Variants in GALNT17 observed in about 807,000 individuals in gnomAD.
The protein encoded by GALNT17 is UDP-GalNAc:polypeptide N-acetylgalactosaminyltransferase-like 3.
A neutral mutation model predicts 63.7 loss-of-function variants in GALNT17; 29 were observed. That is an observed-to-expected ratio of 0.46 (90% CI 0.34 to 0.62). The LOEUF is 0.62. Ranked by LOEUF, GALNT17 falls within the 20% of genes least tolerant of loss-of-function variation. GALNT17 has a pLI of 0.01. For synonymous variants in GALNT17, 305 were observed against 318.3 expected (o/e 0.96, Z 0.45); for missense variants, 603 against 799.6 (o/e 0.75, Z 2.97).
chr7:71,214,708 G>A (rs1174789632), intron 1 of GALNT17, among the ~76,000 whole-genome samples: 1 of 151,866 alleles, frequency 6.6e-6, no homozygotes, highest in Non-Finnish European at 1.5e-5. Flanking sequence ...CTCCTGAGTA[G>A]CTTGGATTAC....
intron 1 of GALNT17, among the ~76,000 whole-genome samples, chr7:71,278,892 C>T (rs1187897637): frequency 6.6e-6 from 1 of 151,692 alleles, no homozygotes; most frequent in Non-Finnish European, 1.5e-5. Context: ...CTTCTTCCCT[C>T]TGTGTATCTC....
At position 71,362,784 on chromosome 7, in the gene GALNT17, G is replaced by A. The variant is rs139071032; in HGVS notation, c.423-25451G>A. On this transcript the variant is annotated intron_variant, in intron 2 of 10. Coordinates refer to ENST00000333538, the MANE Select transcript of GALNT17 (RefSeq NM_022479.3). ...CCGCTGAAAGCCTTCCCCGTGAGTC[G>A]TGAAGGAAACATGGCTGATTTGCTA... Among the ~76,000 whole-genome samples the A allele has an allele frequency of 1.2e-4, 18 of 152,240 alleles. No homozygotes were observed. The South Asian group carries it at 1.7e-3, about 14-fold the overall frequency.
At chr7:71,579,602 G>T (rs1789600525) in intron 6 of GALNT17, among the ~76,000 whole-genome samples, 1 of 152,212 alleles carries the variant, frequency 6.6e-6, no homozygotes, top group South Asian at 2.1e-4. Flanking sequence ...AAAGAAGGAG[G>T]TGTGCAAGGA....
At chr7:71,533,104 T>G (rs1278125220) in intron 5 of GALNT17, among the ~76,000 whole-genome samples, 1 of 152,228 alleles carries the variant, frequency 6.6e-6, no homozygotes, top group African/African-American at 2.4e-5. Flanking sequence ...CTTCACCACA[T>G]GGCTTAAAAG....
intron 1 of GALNT17, among the ~76,000 whole-genome samples, chr7:71,252,830 C>T (rs963378402): frequency 3.3e-5 from 5 of 152,292 alleles, no homozygotes; most frequent in East Asian, 3.9e-4. Flanking sequence ...ACCTCCCTCA[C>T]GATTTATTCA....
At chr7:71,240,008 G>A (rs1789964505) in intron 1 of GALNT17, among the ~76,000 whole-genome samples, 1 of 152,032 alleles carries the variant, frequency 6.6e-6, no homozygotes. Flanking sequence ...CTTACATTTG[G>A]GTGTTTTAAG....
chr7:71,261,477 G>T (rs1400472840), intron 1 of GALNT17, among the ~76,000 whole-genome samples: 1 of 152,194 alleles, frequency 6.6e-6, no homozygotes, highest in Non-Finnish European at 1.5e-5. Context: ...ACAGATCCCG[G>T]GTTCTCCTGG....
At chr7:71,233,070 T>C (rs1789822834) in intron 1 of GALNT17, among the ~76,000 whole-genome samples, 1 of 152,176 alleles carries the variant, frequency 6.6e-6, no homozygotes, top group Admixed American at 6.5e-5. Context: ...TCCAGAGAGC[T>C]GAAGAAGGGC....
intron 6 of GALNT17, among the ~76,000 whole-genome samples, chr7:71,598,805 C>T (rs1347828567): frequency 1.3e-5 from 1 of 79,122 alleles, no homozygotes; most frequent in African/African-American, 3.8e-5. Flanking sequence ...CAGAAATGGG[C>T]AGTAGCAAAT....
At chr7:71,611,430 T>C (rs1185422718) in intron 6 of GALNT17, among the ~76,000 whole-genome samples, 1 of 152,216 alleles carries the variant, frequency 6.6e-6, no homozygotes, top group East Asian at 1.9e-4. Flanking sequence ...TATATTTGAT[T>C]TGACCCTGTG....
At chr7:71,174,024 C>T (rs1454362421) in intron 1 of GALNT17, among the ~76,000 whole-genome samples, 1 of 152,126 alleles carries the variant, frequency 6.6e-6, no homozygotes, top group Non-Finnish European at 1.5e-5. Flanking sequence ...TCTGTTTCCA[C>T]TGTTTTCTTG....
chr7:71,571,102 TGCTAGGCTGGAACCCAGTAC>T (rs1789434005), intron 5 of GALNT17, among the ~76,000 whole-genome samples, 163 bp from the exon 6 acceptor site: 1 of 124,182 alleles, frequency 8.1e-6, no homozygotes, highest in South Asian at 2.3e-4. Context: ...ACCCAGTACA[TGCTAGGCTGGAACCCAGTAC>T]ATGCTAGGCT....
chr7:71,506,856 A>G (rs1339285877), intron 5 of GALNT17, among the ~76,000 whole-genome samples: 2 of 152,240 alleles, frequency 1.3e-5, no homozygotes, highest in East Asian at 3.8e-4. Flanking sequence ...GTTGGTGGCA[A>G]AGTAATTGCC....
chr7:71,288,218 A>G (rs1790912738), intron 1 of GALNT17, among the ~76,000 whole-genome samples: 1 of 109,690 alleles, frequency 9.1e-6, no homozygotes, highest in Non-Finnish European at 1.9e-5. Flanking sequence ...TCCATCTCAA[A>G]AAAAAAAAAA....
rs1314389668 is a variant in GALNT17 at position 71,449,116 on chromosome 7, T to TTTTTTTTTTTTTTTTTTG, written c.962+28025_962+28026insTTTGTTTTTTTTTTTTTT. ...TAACAGCTGCCTATTTTCTTTTTTT[T>TTTTTTTTTTTTTTTTTTG]TTTTTTTTTTTTTTGAGGCAGAGTC... is the stretch of plus-strand genomic sequence containing the variant. On this transcript the variant is annotated intron_variant, in intron 5 of 10. Transcript: ENST00000333538. 1.6e-5 allele frequency among the ~76,000 whole-genome samples: 2 copies of TTTTTTTTTTTTTTTTTTG among 122,582 alleles called. 1 individual carries two copies. Among genetic ancestry groups the TTTTTTTTTTTTTTTTTTG allele is most frequent in the Non-Finnish European group, 3.4e-5 (2 of 59,146 alleles). 80.4% of individuals were successfully genotyped at this position (122,582 alleles called of 152,430 possible).
chr7:71,646,100 A>G (rs1276079253), intron 6 of GALNT17, among the ~76,000 whole-genome samples: 2 of 152,118 alleles, frequency 1.3e-5, no homozygotes, highest in African/African-American at 4.8e-5. Context: ...TTTTGCCTCC[A>G]AGTTCCTAGG....
intron 6 of GALNT17, among the ~76,000 whole-genome samples, chr7:71,580,718 C>T (rs1789623990): frequency 6.6e-6 from 1 of 151,992 alleles, no homozygotes; most frequent in Non-Finnish European, 1.5e-5. Flanking sequence ...AAGTGGGAGT[C>T]CAGGCTGAGC....
chr7:71,630,366 G>A (rs574632832), intron 6 of GALNT17, among the ~76,000 whole-genome samples: 3 of 152,178 alleles, frequency 2.0e-5, no homozygotes, highest in Non-Finnish European at 2.9e-5. Context: ...CATCCAGTCT[G>A]GATGAAGGTC....
At chr7:71,192,925 G>A (rs934432282) in intron 1 of GALNT17, among the ~76,000 whole-genome samples, 11 of 151,818 alleles carry the variant, frequency 7.2e-5, no homozygotes, top group African/African-American at 9.7e-5. Flanking sequence ...TTATTTCTGC[G>A]GTACCTGGAG....
Sources: allele counts gnomAD v4.1 joint callset (sites outside exome capture counted in the v4.1 genomes callset), GRCh38; gene constraint gnomAD v4.1.1; transcripts MANE v1.5; gene names NCBI Gene and HGNC (gene_info 2026-07-23, HGNC 2026-07-21).